The following UVSSA variants were observed in gnomAD, a reference collection of about 807,000 sequenced individuals.
UVSSA encodes UV-stimulated scaffold protein A.
Under a neutral mutation model 73.9 loss-of-function variants are expected in UVSSA, and 72 were observed. The observed-to-expected ratio is 0.97, with a 90% CI of 0.81 to 1.19. The LOEUF is 1.19. Ranked by LOEUF, UVSSA falls within the 50% of genes most tolerant of loss-of-function variation. UVSSA has a pLI of 0.00. For synonymous variants in UVSSA, 454 were observed against 391.3 expected (o/e 1.16, Z -1.89); for missense variants, 1,150 against 965.0 (o/e 1.19, Z -2.54).
upstream of UVSSA, among the ~76,000 whole-genome samples, chr4:1,343,732 A>G (rs750638082): frequency 6.6e-6 from 1 of 152,180 alleles, no homozygotes; most frequent in Non-Finnish European, 1.5e-5. Flanking sequence ...GGTTGCAGTG[A>G]GCCAAGATCG....
At chr4:1,353,978 T>C (rs1424078875) in intron 5 of UVSSA, among the ~76,000 whole-genome samples, 2 of 152,310 alleles carry the variant, frequency 1.3e-5, no homozygotes, top group East Asian at 3.9e-4. Context: ...CCAAGCCCCC[T>C]GCTGCCCCCC....
chr4:1,375,308 AT>A, intron 8 of UVSSA, 55 bp from the exon 9 acceptor site: 1 of 1,603,602 alleles, frequency 6.2e-7, no homozygotes, highest in Non-Finnish European at 8.5e-7. Flanking sequence ...GTCTTGCCTG[AT>A]GTGCCTGGCG....
intron 13 of UVSSA, chr4:1,385,637 G>T: frequency 1.7e-6 from 1 of 571,502 alleles, no homozygotes; most frequent in East Asian, 2.9e-5. Flanking sequence ...ACCCGCCGCA[G>T]ACTCCGCTTC....
At chr4:1,373,609 T>C (rs1718396699) in intron 8 of UVSSA, among the ~76,000 whole-genome samples, 6 of 152,220 alleles carry the variant, frequency 3.9e-5, no homozygotes. Flanking sequence ...CCATGGTTTT[T>C]CCTCTGTCTC....
At chr4:1,347,043 C>A (rs1713784662), upstream of UVSSA, among the ~76,000 whole-genome samples, 1 of 152,128 alleles carries the variant, frequency 6.6e-6, no homozygotes, top group South Asian at 2.1e-4. Flanking sequence ...GGGCCTTGAC[C>A]GGAAAGGGTG....
At chr4:1,346,680 G>A (rs895229716), upstream of UVSSA, among the ~76,000 whole-genome samples, 8 of 151,830 alleles carry the variant, frequency 5.3e-5, no homozygotes. Context: ...GGGGGCGGGG[G>A]CCCGCGCCCG....
chr4:1,352,477 G>A (rs1286760850), intron 4 of UVSSA, among the ~76,000 whole-genome samples: 3 of 152,228 alleles, frequency 2.0e-5, no homozygotes, highest in South Asian at 2.1e-4. Flanking sequence ...AAGCTGCTCC[G>A]GCCCGGGAGG....
At chr4:1,352,903 C>T in intron 4 of UVSSA, 127 bp from the exon 5 acceptor site, 1 of 1,289,528 alleles carries the variant, frequency 7.8e-7, no homozygotes, top group Non-Finnish European at 1.0e-6. Context: ...TGTGATTGCA[C>T]CACTGCATTC....
intron 7 of UVSSA, among the ~76,000 whole-genome samples, chr4:1,355,454 G>C (rs1232016504): frequency 6.6e-6 from 1 of 152,218 alleles, no homozygotes; most frequent in Non-Finnish European, 1.5e-5. Flanking sequence ...TGCAGCTGTC[G>C]GGTGTTGCCC....
At chr4:1,346,383 C>G (rs1713684892), upstream of UVSSA, among the ~76,000 whole-genome samples, 1 of 152,182 alleles carries the variant, frequency 6.6e-6, no homozygotes, top group Admixed American at 6.5e-5. Flanking sequence ...GTGGGGTCCA[C>G]ACCACGCTCC....
chr4:1,388,432 C>G (rs1720308657), downstream of UVSSA: 1 of 152,220 alleles, frequency 6.6e-6, no homozygotes, highest in Admixed American at 6.5e-5. Flanking sequence ...AAACAGCTTT[C>G]TTTCTAATCT....
rs113834720 is a variant in UVSSA, at chr4:1,379,834, G to C, written c.1569-213G>C. ...GTTCACGTGGCATCAGAATTCAGAC[G>C]CAGGCGGTCGTGCCCGTGGTCGCGC... is the stretch of plus-strand genomic sequence containing the variant. On this transcript the variant is annotated intron_variant, in intron 10 of 13. Transcript: ENST00000389851. 2.0e-3 allele frequency among the ~76,000 whole-genome samples: 59 copies of C among 29,182 alleles called. 1 individual carries two copies. Among genetic ancestry groups the C allele is most frequent in the African/African-American group, 0.015 (59 of 4,052 alleles). The allele number at this position is 29,182 out of a possible 152,430, so 19.1% of individuals were successfully genotyped here. A position where few individuals can be genotyped will look rare whatever the true frequency, so the allele number is the denominator to read the frequency against.
At chr4:1,361,573 G>A (rs944886347) in intron 7 of UVSSA, among the ~76,000 whole-genome samples, 1 of 152,234 alleles carries the variant, frequency 6.6e-6, no homozygotes, top group Non-Finnish European at 1.5e-5. Flanking sequence ...CTTCCCGCAC[G>A]CTTGCTGCAG....
At chr4:1,381,114 C>T in intron 12 of UVSSA, 126 bp downstream of exon 12, 2 of 893,484 alleles carry the variant, frequency 2.2e-6, no homozygotes, top group Non-Finnish European at 3.4e-6. Flanking sequence ...GAGCTACAAG[C>T]CTCTCGGTCA....
downstream of UVSSA, chr4:1,388,561 G>T (rs921019159): frequency 2.0e-5 from 3 of 152,216 alleles, no homozygotes. Context: ...GAAGCTTTCG[G>T]TCTCTCACCA....
chr4:1,371,796 A>T (rs1283480927), intron 8 of UVSSA, among the ~76,000 whole-genome samples: 1 of 152,186 alleles, frequency 6.6e-6, no homozygotes, highest in African/African-American at 2.4e-5. Context: ...GAACTATAAG[A>T]TGAGATTTGA....
intron 8 of UVSSA, among the ~76,000 whole-genome samples, chr4:1,367,314 G>A (rs1717462002): frequency 6.6e-6 from 1 of 152,244 alleles, no homozygotes; most frequent in African/African-American, 2.4e-5. Context: ...AGTACCCACA[G>A]TGGTGTTTGC....
intron 8 of UVSSA, among the ~76,000 whole-genome samples, chr4:1,373,358 C>T (rs1257355395): frequency 6.6e-6 from 1 of 152,048 alleles, no homozygotes; most frequent in Non-Finnish European, 1.5e-5. Flanking sequence ...GCGAGGCCGT[C>T]CCTCCTTTTC....
chr4:1,368,589 G>A (rs1717632874), intron 8 of UVSSA, among the ~76,000 whole-genome samples: 1 of 152,262 alleles, frequency 6.6e-6, no homozygotes, highest in South Asian at 2.1e-4. Flanking sequence ...GGGCCGAGCG[G>A]CCTCGCAGCC....
Sources: gnomAD v4.1 joint callset for allele counts (sites outside exome capture counted in the v4.1 genomes callset) on GRCh38, gnomAD v4.1.1 for gene constraint, MANE v1.5 for transcripts, NCBI Gene and HGNC (gene_info 2026-07-23, HGNC 2026-07-21) for gene names.